The following ALDH6A1 variants were observed in gnomAD, a reference collection of about 807,000 sequenced individuals.
ALDH6A1 encodes methylmalonate-semialdehyde/malonate-semialdehyde dehydrogenase [acylating], mitochondrial.
In ALDH6A1, 43 loss-of-function variants were observed where a neutral mutation model predicts 62.6. The ratio of observed to expected loss-of-function variants is 0.69; its 90% confidence interval spans 0.54 to 0.89. The LOEUF (loss-of-function observed/expected upper bound fraction) is 0.89. Among genes scored for constraint, ALDH6A1 ranks in the 40% least tolerant of loss-of-function variants. ALDH6A1 has a pLI of 0.00. For synonymous variants in ALDH6A1, 194 were observed against 234.2 expected (o/e 0.83, Z 1.57); for missense variants, 551 against 661.3 (o/e 0.83, Z 1.83).
intron 6 of ALDH6A1, among the ~76,000 whole-genome samples, chr14:74,069,842 A>C (rs2060524502): frequency 6.7e-6 from 1 of 149,264 alleles, no homozygotes; most frequent in Non-Finnish European, 1.5e-5. Context: ...TTCTACTTCT[A>C]ATCTAACCTT....
At chr14:74,074,105 C>T (rs2139799375) in intron 2 of ALDH6A1, among the ~76,000 whole-genome samples, 1 of 151,464 alleles carries the variant, frequency 6.6e-6, no homozygotes, top group South Asian at 2.1e-4. Flanking sequence ...CTACCTCACC[C>T]TCCCAGGCAG....
Position 74,065,216 on chromosome 14 carries a change from C to A in ALDH6A1, c.1369G>T (p.Ala457Ser). ...TCCACCAAGTGGGCATATTTCCGAG[C>A]AGTGGCTCCATTGGTGGTGAAGATG... ...TAIFTTNGAT[A>S]RKYAHLVDVG... The change falls in exon 10 of 12, where the codon GCT becomes TCT. Residue 457 changes from alanine (A) to serine (S), a missense_variant. Ala to Ser is a moderately conservative substitution (Grantham distance 99, BLOSUM62 1). Transcript: ENST00000553458. 1 of 1,614,162 alleles carries A rather than the reference C, an allele frequency of 6.2e-7. No individual in the cohort carries two copies.
intron 5 of ALDH6A1, 45 bp downstream of exon 5, chr14:74,071,851 T>A: frequency 6.3e-7 from 1 of 1,595,248 alleles, no homozygotes; most frequent in Non-Finnish European, 8.6e-7. Flanking sequence ...CCTCCCATCT[T>A]CCTTTGGTCC....
intron 2 of ALDH6A1, among the ~76,000 whole-genome samples, chr14:74,074,288 A>ATTT (rs35478388): frequency 1.5e-5 from 2 of 130,184 alleles, no homozygotes; most frequent in Admixed American, 7.8e-5. Flanking sequence ...CTTTCACTAA[A>ATTT]TTTTTTTTTT....
At position 74,058,672 on chromosome 14, in the gene ALDH6A1, T is replaced by TA; in HGVS notation, c.*1969dup. On this transcript the variant is annotated 3_prime_UTR_variant, in exon 12 of 12. Transcript: ENST00000553458. Reference sequence around the variant, plus strand: ...TAGTTAGCACTATCAAAGTGACTGGTAAGGACGCAGGAAAATAAAAAGAGG... The same window carrying TA: ...TAGTTAGCACTATCAAAGTGACTGGTAAAGGACGCAGGAAAATAAAAAGAGG... 2 of 152,054 alleles carry TA rather than the reference T, an allele frequency of 1.3e-5. No individual in the cohort carries two copies. The highest frequency in any genetic ancestry group is 4.2e-4 in the South Asian group (2 of 4,810). The allele number at this position is 152,054 out of a possible 1,614,324, so 9.4% of individuals were successfully genotyped here.
chr14:74,080,535 T>C (rs1465891272), intron 1 of ALDH6A1, among the ~76,000 whole-genome samples: 2 of 152,164 alleles, frequency 1.3e-5, no homozygotes, highest in East Asian at 3.9e-4. Flanking sequence ...GCTCTCAGGC[T>C]CAAGTGATCC....
intron 1 of ALDH6A1, 104 bp from the exon 2 acceptor site, chr14:74,075,121 T>A (rs2060597698): frequency 8.8e-6 from 9 of 1,017,224 alleles, no homozygotes; most frequent in Non-Finnish European, 1.4e-5. Context: ...ATAGGGGGTA[T>A]GTTTCTCTCA....
At chr14:74,062,689 C>T (rs964810380) in intron 11 of ALDH6A1, among the ~76,000 whole-genome samples, 3 of 152,216 alleles carry the variant, frequency 2.0e-5, no homozygotes, top group East Asian at 3.9e-4. Context: ...ACTTCTTAAC[C>T]ATTTGGCCAC....
chr14:74,070,547 T>C (rs1407586647), intron 6 of ALDH6A1, among the ~76,000 whole-genome samples: 1 of 152,102 alleles, frequency 6.6e-6, no homozygotes, highest in Non-Finnish European at 1.5e-5. Flanking sequence ...ATTTCCTCAA[T>C]GGTGACTATG....
At chr14:74,071,060 C>T (rs1163775273) in intron 6 of ALDH6A1, 135 bp downstream of exon 6, 1 of 935,964 alleles carries the variant, frequency 1.1e-6, no homozygotes, top group Non-Finnish European at 1.7e-6. Flanking sequence ...AAATCATCAA[C>T]AAACATGGAG....
chr14:74,081,524 T>C (rs1232444023), intron 1 of ALDH6A1, among the ~76,000 whole-genome samples: 3 of 152,200 alleles, frequency 2.0e-5, no homozygotes, highest in Admixed American at 1.3e-4. Flanking sequence ...CGATCTTCTA[T>C]CTTTTCTTCA....
rs76163277 is a variant in ALDH6A1, at chr14:74,083,606, T to G, written c.48+741A>C. On this transcript the variant is annotated intron_variant, in intron 1 of 11. Coordinates refer to ENST00000553458, the MANE Select transcript of ALDH6A1 (RefSeq NM_005589.4). ...AGATGTTTGGTACCTTGAACATACATGGAACATACTGGTAGCTTTAACTGT... is the reference window on the plus strand; with the variant it reads ...AGATGTTTGGTACCTTGAACATACAGGGAACATACTGGTAGCTTTAACTGT... Among the ~76,000 whole-genome samples, 418 of 152,342 alleles carry G rather than the reference T, an allele frequency of 2.7e-3. 3 individuals are homozygous for G. The highest frequency in any genetic ancestry group is 9.8e-3 in the African/African-American group (408 of 41,576).
Position 74,056,856 on chromosome 14 carries a change from G to A in ALDH6A1, c.*3786C>T. 8.1e-7 allele frequency: 1 copy of A among 1,238,800 alleles called. No individual in the cohort carries two copies. The highest frequency in any genetic ancestry group is 1.2e-6 in the Non-Finnish European group (1 of 853,686). The allele number at this position is 1,238,800 out of a possible 1,614,324, so 76.7% of individuals were successfully genotyped here. A position where few individuals can be genotyped will look rare whatever the true frequency, so the allele number is the denominator to read the frequency against. On this transcript the variant is annotated 3_prime_UTR_variant, in exon 12 of 12. Coordinates refer to ENST00000553458, the MANE Select transcript of ALDH6A1 (RefSeq NM_005589.4). ...ATACAAAAAGAAAATATGAAGGCAT[G>A]AGGAGACACTGCCTCATTCATTATC... is the stretch of plus-strand genomic sequence containing the variant.
At chr14:74,072,132 A>G in intron 4 of ALDH6A1, 71 bp downstream of exon 4, 1 of 1,610,098 alleles carries the variant, frequency 6.2e-7, no homozygotes, top group Non-Finnish European at 8.5e-7. Flanking sequence ...GGTGGCTGAA[A>G]AGGTCTCTGT....
At chr14:74,067,692 G>C in intron 7 of ALDH6A1, 123 bp from the exon 8 acceptor site, 1 of 1,034,462 alleles carries the variant, frequency 9.7e-7, no homozygotes, top group Non-Finnish European at 1.5e-6. Context: ...GAAGGCTGAG[G>C]TGAGAAGGAT....
Position 74,064,863 on chromosome 14 carries a change from G to A in ALDH6A1, c.1462C>T (p.Arg488Ter), listed in dbSNP as rs1410668144. Residue 488 changes from arginine to a stop codon, truncating the protein, a stop_gained, in exon 11 of 12, where the codon CGA becomes TGA. Coordinates refer to ENST00000553458, the MANE Select transcript of ALDH6A1 (RefSeq NM_005589.4). LOFTEE classifies it high-confidence loss of function. ...TTGGTGTCTCCCCTGAAGGAGGATC[G>A]AGAGCCGGTGAATGAGAACATTGGC... The part of the protein sequence containing the change: ...PLPMFSFTGS[R>*]SSFRGDTNFY... The A allele has an allele frequency of 6.2e-6, 10 of 1,614,040 alleles. No homozygotes were observed. Among genetic ancestry groups the A allele is most frequent in the Admixed American group, 1.7e-5 (1 of 59,996 alleles).
chr14:74,082,225 A>G (rs2060675481), intron 1 of ALDH6A1, among the ~76,000 whole-genome samples: 1 of 152,080 alleles, frequency 6.6e-6, no homozygotes, highest in Non-Finnish European at 1.5e-5. Context: ...TTATCTCTGC[A>G]TGGGAGTGAT....
intron 11 of ALDH6A1, among the ~76,000 whole-genome samples, chr14:74,061,552 C>G (rs984754991): frequency 6.6e-6 from 1 of 151,796 alleles, no homozygotes; most frequent in African/African-American, 2.4e-5. Context: ...TCTTGAACCC[C>G]TGACCTCAGG....
At chr14:74,064,359 A>G (rs2060422745) in intron 11 of ALDH6A1, among the ~76,000 whole-genome samples, 1 of 152,070 alleles carries the variant, frequency 6.6e-6, no homozygotes, top group Non-Finnish European at 1.5e-5. Flanking sequence ...GAACGTGCTC[A>G]ACAACATTTT....
Sources: allele counts gnomAD v4.1 joint callset (sites outside exome capture counted in the v4.1 genomes callset), GRCh38; gene constraint gnomAD v4.1.1; transcripts MANE v1.5; gene names NCBI Gene and HGNC (gene_info 2026-07-23, HGNC 2026-07-21).